Variants in TMEM108 observed in about 807,000 individuals in gnomAD.
The protein encoded by TMEM108 is cancer/testis antigen 124.
In TMEM108, 12 loss-of-function variants were observed where a neutral mutation model predicts 35.1. The ratio of observed to expected loss-of-function variants is 0.34; its 90% CI spans 0.22 to 0.55. The LOEUF (loss-of-function observed/expected upper bound fraction) is 0.55. Ranked by LOEUF, TMEM108 falls within the 20% of genes least tolerant of loss-of-function variation. The probability of loss-of-function intolerance (pLI) is 0.89; values close to 1 mark genes in which losing one functional copy is unlikely to be tolerated. For synonymous variants in TMEM108, 287 were observed against 308.6 expected (o/e 0.93, Z 0.73); for missense variants, 680 against 753.3 (o/e 0.90, Z 1.14).
chr3:133,261,735 G>T (rs1187094726), intron 3 of TMEM108, among the ~76,000 whole-genome samples: 1 of 152,220 alleles, frequency 6.6e-6, no homozygotes, highest in Non-Finnish European at 1.5e-5. Context: ...AAATCAAGAA[G>T]CCATGGTGGC....
At chr3:133,093,097 C>T (rs1273630353) in intron 2 of TMEM108, among the ~76,000 whole-genome samples, 2 of 150,626 alleles carry the variant, frequency 1.3e-5, no homozygotes, top group African/African-American at 2.4e-5. Flanking sequence ...TCAAGTGATT[C>T]TCCTGTTTCA....
intron 3 of TMEM108, among the ~76,000 whole-genome samples, chr3:133,309,289 T>C (rs9713383): frequency 0.16 from 24,989 of 152,092 alleles, 2,416 homozygotes; most frequent in East Asian, 0.38. Context: ...TCTATCAATT[T>C]TGTTAATCTT....
In TMEM108 at chr3:133,234,191, T is replaced by G. The variant is rs568397944; in HGVS notation, c.40+4840T>G. Among the ~76,000 whole-genome samples, 63 of 152,236 alleles carry G rather than the reference T, an allele frequency of 4.1e-4. No individual in the cohort carries two copies. In the East Asian group the frequency reaches 0.011, roughly 28 times the overall value. On this transcript the variant is annotated intron_variant, in intron 3 of 5. Transcript: ENST00000321871. ...GGTTTTAGGTCTAACATTTAAGTCT[T>G]TAATCCATCTTGAATTAATTTTTGT... is the stretch of plus-strand genomic sequence containing the variant.
intron 2 of TMEM108, among the ~76,000 whole-genome samples, chr3:133,079,173 C>A (rs1448256370): frequency 6.6e-6 from 1 of 152,062 alleles, no homozygotes; most frequent in African/African-American, 2.4e-5. Context: ...TGGATTTGTT[C>A]CCTGTGTGTA....
At chr3:133,042,234 A>G (rs1351575850) in intron 1 of TMEM108, among the ~76,000 whole-genome samples, 1 of 152,202 alleles carries the variant, frequency 6.6e-6, no homozygotes, top group Non-Finnish European at 1.5e-5. Flanking sequence ...TGCTACCTCT[A>G]GGTGCAATTA....
At chr3:133,118,539 C>T (rs1944314686) in intron 2 of TMEM108, among the ~76,000 whole-genome samples, 1 of 152,088 alleles carries the variant, frequency 6.6e-6, no homozygotes, top group South Asian at 2.1e-4. Flanking sequence ...CACACCTGCC[C>T]CCAGTGAACA....
At chr3:133,294,647 T>G (rs1947118300) in intron 3 of TMEM108, among the ~76,000 whole-genome samples, 1 of 152,214 alleles carries the variant, frequency 6.6e-6, no homozygotes, top group Non-Finnish European at 1.5e-5. Context: ...CTTAATTATT[T>G]TTTAAACTTC....
At chr3:133,370,731 G>A (rs1029522037) in intron 3 of TMEM108, among the ~76,000 whole-genome samples, 2 of 152,092 alleles carry the variant, frequency 1.3e-5, no homozygotes, top group Non-Finnish European at 2.9e-5. Flanking sequence ...AACACTTTTC[G>A]TATGTGAGTT....
chr3:133,112,581 A>G (rs1206194967), intron 2 of TMEM108, among the ~76,000 whole-genome samples: 1 of 152,194 alleles, frequency 6.6e-6, no homozygotes, highest in Non-Finnish European at 1.5e-5. Context: ...TGAATCAAGC[A>G]TTCTTTTATC....
chr3:133,364,420 C>A lies in TMEM108; in HGVS notation c.41-15332C>A, dbSNP rs146639570. On this transcript the variant is annotated intron_variant, in intron 3 of 5. Transcript: ENST00000321871. ...CAAGGGATTTGTCAAACATGTTCTT[C>A]CAACAGGATTAAGTGCCTCCAACCA... 3.3e-5 allele frequency among the ~76,000 whole-genome samples: 5 copies of A among 152,254 alleles called. No homozygotes were observed. The East Asian group carries it at 5.8e-4, about 18-fold the overall frequency.
At chr3:133,194,404 A>AT (rs553868272) in intron 2 of TMEM108, among the ~76,000 whole-genome samples, 1 of 152,062 alleles carries the variant, frequency 6.6e-6, no homozygotes, top group Non-Finnish European at 1.5e-5. Flanking sequence ...CATTAATACT[A>AT]TTTTTTCAAA....
At chr3:133,339,106 T>G (rs1432358787) in intron 3 of TMEM108, among the ~76,000 whole-genome samples, 1 of 151,744 alleles carries the variant, frequency 6.6e-6, no homozygotes, top group African/African-American at 2.4e-5. Context: ...TAACCCTTAC[T>G]TATCAATAAT....
chr3:133,340,607 T>C lies in TMEM108; in HGVS notation c.41-39145T>C, dbSNP rs2071634147. Among the ~76,000 whole-genome samples the C allele has an allele frequency of 2.7e-5, 4 of 149,778 alleles. No individual in the cohort carries two copies. The South Asian group carries it at 8.4e-4, about 31-fold the overall frequency. ...GATACCAAAACCAGACAGAGACACATCAAAAAAAAACAAACAAAAAAACTA... is the reference window on the plus strand; with the variant it reads ...GATACCAAAACCAGACAGAGACACACCAAAAAAAAACAAACAAAAAAACTA... On this transcript the variant is annotated intron_variant, in intron 3 of 5. Coordinates refer to ENST00000321871, the MANE Select transcript of TMEM108 (RefSeq NM_023943.4).
chr3:133,138,901 T>A (rs1248510972), intron 2 of TMEM108, among the ~76,000 whole-genome samples: 3 of 152,104 alleles, frequency 2.0e-5, no homozygotes, highest in African/African-American at 7.2e-5. Context: ...TTTGTCCTAA[T>A]GCTCTCCCTC....
At chr3:133,180,753 G>T (rs927978449) in intron 2 of TMEM108, among the ~76,000 whole-genome samples, 25 of 151,968 alleles carry the variant, frequency 1.6e-4, no homozygotes, top group African/African-American at 6.0e-4. Context: ...GATAGTGATT[G>T]TTGGAGCCCA....
rs1026523676 is a variant in TMEM108 at position 133,046,031 on chromosome 3, G to A, written c.-47+11G>A. 54 of 152,772 alleles carry A rather than the reference G, an allele frequency of 3.5e-4. No individual in the cohort carries two copies. Among genetic ancestry groups the A allele is most frequent in the African/African-American group, 1.3e-3 (52 of 41,564 alleles). 9.5% of individuals were successfully genotyped at this position (152,772 alleles called of 1,614,324 possible). A position where few individuals can be genotyped will look rare whatever the true frequency, so the allele number is the denominator to read the frequency against. ...ACCCTCTACTCCAGGGTAAGGCAAA[G>A]GCATTCTCTGCCATTGTTTTTCTTG... On this transcript the variant is annotated intron_variant, in intron 2 of 5. Transcript: ENST00000321871.
At chr3:133,212,882 GAAA>G (rs35722031) in intron 2 of TMEM108, among the ~76,000 whole-genome samples, 8 of 127,516 alleles carry the variant, frequency 6.3e-5, no homozygotes, top group Middle Eastern at 4.0e-3. Flanking sequence ...AAAAAAAAAG[GAAA>G]AAAAAAAAGA....
chr3:133,373,362 A>G (rs1576518813), intron 3 of TMEM108, among the ~76,000 whole-genome samples: 1 of 150,398 alleles, frequency 6.6e-6, no homozygotes, highest in East Asian at 1.9e-4. Context: ...AAAAAAAAAA[A>G]AAAGAAATTT....
At chr3:133,360,542 C>T (rs150251021) in intron 3 of TMEM108, among the ~76,000 whole-genome samples, 88 of 152,290 alleles carry the variant, frequency 5.8e-4, no homozygotes, top group African/African-American at 2.1e-3. Context: ...CCCGTAACTG[C>T]ATTTGTTCTT....
Sources: gnomAD v4.1 joint callset for allele counts (sites outside exome capture counted in the v4.1 genomes callset) on GRCh38, gnomAD v4.1.1 for gene constraint, MANE v1.5 for transcripts, NCBI Gene and HGNC (gene_info 2026-07-23, HGNC 2026-07-21) for gene names.